USH2A: variants seen among roughly 807,000 people sequenced by gnomAD.
USH2A encodes the protein Usher syndrome 2A (autosomal recessive, mild).
USH2A carries 443 observed loss-of-function variants against 538.9 expected under a neutral mutation model. The ratio of observed to expected loss-of-function variants is 0.82; its 90% CI spans 0.76 to 0.89. The LOEUF (loss-of-function observed/expected upper bound fraction) is 0.89. USH2A is among the 40% of genes least tolerant of loss of function. The pLI is 0.00. For synonymous variants in USH2A, 2,413 were observed against 2,273.5 expected, an observed-to-expected ratio of 1.06 and a Z score of -1.75; for missense variants, 6,633 against 6,324.8, an observed-to-expected ratio of 1.05 and a Z score of -1.65.
chr1:216,006,636 T>G (rs1255049618), intron 32 of USH2A, among the ~76,000 whole-genome samples: 1 of 152,208 alleles, frequency 6.6e-6, no homozygotes, highest in Non-Finnish European at 1.5e-5. Flanking sequence ...TCAGCCATAA[T>G]TATGTTGTTC....
At chr1:216,118,175 A>G (rs2033053161) in intron 21 of USH2A, among the ~76,000 whole-genome samples, 1 of 152,286 alleles carries the variant, frequency 6.6e-6, no homozygotes, top group South Asian at 2.1e-4. Flanking sequence ...GGGAGGATTA[A>G]ATGAGTTAAA....
At chr1:216,287,484 C>T (rs2036908480) in intron 11 of USH2A, among the ~76,000 whole-genome samples, 1 of 151,982 alleles carries the variant, frequency 6.6e-6, no homozygotes, top group South Asian at 2.1e-4. Context: ...TTCTGAAATC[C>T]ATGTTCAGTG....
chr1:215,640,923 A>G (rs1656663796), intron 67 of USH2A, among the ~76,000 whole-genome samples, 189 bp from the exon 68 acceptor site: 1 of 151,918 alleles, frequency 6.6e-6, no homozygotes, highest in Non-Finnish European at 1.5e-5. Context: ...AACCAGTATC[A>G]GGGGTGAAAA....
intron 21 of USH2A, among the ~76,000 whole-genome samples, chr1:216,107,534 C>A (rs1480060558): frequency 7.7e-6 from 1 of 130,492 alleles, no homozygotes; most frequent in African/African-American, 2.6e-5. Flanking sequence ...CTTGTACACC[C>A]TTTGTAAGTC....
At chr1:215,685,597 A>G (rs180865556) in intron 61 of USH2A, among the ~76,000 whole-genome samples, 7 of 152,194 alleles carry the variant, frequency 4.6e-5, no homozygotes, top group Admixed American at 4.6e-4. Flanking sequence ...ACTTCAGGTG[A>G]TCCACCCGCC....
intron 21 of USH2A, among the ~76,000 whole-genome samples, chr1:216,164,449 T>A (rs2102631282): frequency 6.6e-6 from 1 of 152,196 alleles, no homozygotes; most frequent in South Asian, 2.1e-4. Context: ...AGAATCCAAA[T>A]GACAGTAGAT....
At chr1:215,724,190 A>ATT (rs998044219) in intron 61 of USH2A, among the ~76,000 whole-genome samples, 13 of 147,666 alleles carry the variant, frequency 8.8e-5, no homozygotes, top group Non-Finnish European at 1.3e-4. Flanking sequence ...ATAGAATGTA[A>ATT]TTATATATAT....
At chr1:215,820,182 AT>A (rs1293407320) in intron 47 of USH2A, among the ~76,000 whole-genome samples, 1 of 151,684 alleles carries the variant, frequency 6.6e-6, no homozygotes, top group African/African-American at 2.4e-5. Flanking sequence ...TTTTAAAGTA[AT>A]AGGAACTGAA....
At chr1:215,766,917 CT>C (rs1661149752) in intron 55 of USH2A, 129 bp from the exon 56 acceptor site, 1 of 902,934 alleles carries the variant, frequency 1.1e-6, no homozygotes. Context: ...CTAAAACACT[CT>C]TTAAAGAAGG....
intron 13 of USH2A, among the ~76,000 whole-genome samples, chr1:216,235,117 G>A (rs578256379): frequency 6.6e-6 from 1 of 152,214 alleles, no homozygotes; most frequent in South Asian, 2.1e-4. Flanking sequence ...CCTAATTCTA[G>A]ACCATTACCT....
At chr1:215,639,634 A>G (rs959515195) in intron 68 of USH2A, among the ~76,000 whole-genome samples, 5 of 152,166 alleles carry the variant, frequency 3.3e-5, no homozygotes, top group Non-Finnish European at 7.4e-5. Context: ...GGGATCCTAG[A>G]AATCACATGG....
intron 38 of USH2A, among the ~76,000 whole-genome samples, chr1:215,927,223 T>C (rs2102493546): frequency 6.6e-6 from 1 of 152,232 alleles, no homozygotes; most frequent in South Asian, 2.1e-4. Context: ...GTGAAATTCG[T>C]TCAGGAAAAA....
chr1:215,993,026 G>T lies in USH2A; in HGVS notation c.6799C>A (p.Pro2267Thr). ...GCTAAAAGAGTTCACTTACCATTCG[G>T]ATATTCAGGCTCAGTCCAGGAGACA... is the stretch of plus-strand genomic sequence containing the variant. ...FNVSWTEPEY[P>T]NGVITSYGLY... Residue 2267 changes from proline (P) to threonine (T), a missense_variant, in exon 35 of 72, where the codon CCG (proline) becomes ACG (threonine). By Grantham distance (38) the Pro-to-Thr change is conservative (BLOSUM62 -1). Transcript: ENST00000307340. 1.2e-6 allele frequency: 2 copies of T among 1,614,040 alleles called. No individual in the cohort carries two copies. The highest frequency in any genetic ancestry group is 1.7e-6 in the Non-Finnish European group (2 of 1,179,968).
At chr1:215,900,474 G>A (rs1665464096) in intron 39 of USH2A, among the ~76,000 whole-genome samples, 1 of 152,088 alleles carries the variant, frequency 6.6e-6, no homozygotes, top group African/African-American at 2.4e-5. Context: ...ATTATAATTT[G>A]TTAGCGACAG....
intron 44 of USH2A, among the ~76,000 whole-genome samples, chr1:215,851,730 T>C (rs1394392099): frequency 6.6e-6 from 1 of 151,618 alleles, no homozygotes; most frequent in Non-Finnish European, 1.5e-5. Context: ...GGAAAGGACA[T>C]GACAAAAAAG....
intron 30 of USH2A, among the ~76,000 whole-genome samples, chr1:216,053,115 CA>C (rs1221172929): frequency 6.6e-6 from 1 of 152,138 alleles, no homozygotes; most frequent in Non-Finnish European, 1.5e-5. Context: ...AGAATTCTTA[CA>C]GTAACAGATT....
intron 36 of USH2A, among the ~76,000 whole-genome samples, chr1:215,968,375 T>A (rs1667407714): frequency 6.6e-6 from 1 of 152,142 alleles, no homozygotes; most frequent in Non-Finnish European, 1.5e-5. Flanking sequence ...GTTTTGTTTT[T>A]GTTTTTTCCA....
chr1:216,228,395 T>A (rs977164340), intron 14 of USH2A, among the ~76,000 whole-genome samples: 6 of 152,198 alleles, frequency 3.9e-5, no homozygotes, highest in African/African-American at 1.4e-4. Context: ...GGGATTGATA[T>A]GGTTTGGCTG....
chr1:215,935,185 T>C (rs1666463099), intron 37 of USH2A, among the ~76,000 whole-genome samples: 1 of 152,046 alleles, frequency 6.6e-6, no homozygotes, highest in African/African-American at 2.4e-5. Flanking sequence ...TCCCTGAATT[T>C]TTTTGGATGT....
Sources: allele counts gnomAD v4.1 joint callset (sites outside exome capture counted in the v4.1 genomes callset), GRCh38; gene constraint gnomAD v4.1.1; transcripts MANE v1.5; gene names NCBI Gene and HGNC (gene_info 2026-07-23, HGNC 2026-07-21).